ARK2N: variants seen among roughly 807,000 people sequenced by gnomAD.
ARK2N encodes the protein protein ARK2N.
chr18:46,219,866 T>A, the ARK2N span, among the ~76,000 whole-genome samples: 1 of 152,234 alleles, frequency 6.6e-6, no homozygotes, highest in Non-Finnish European at 1.5e-5. Flanking sequence ...GGTCAGTTTC[T>A]CTGTAAAAGC....
the ARK2N span, chr18:46,253,970 A>T: frequency 1.0e-6 from 1 of 963,198 alleles, no homozygotes; most frequent in Non-Finnish European, 1.5e-6. Context: ...TTTAAGAAAC[A>T]CTTTTTGTTT....
chr18:46,199,049 A>G, the ARK2N span, among the ~76,000 whole-genome samples: 1 of 152,198 alleles, frequency 6.6e-6, no homozygotes, highest in East Asian at 1.9e-4. Context: ...GGAAATATGG[A>G]ACCCATAGAA....
the ARK2N span, among the ~76,000 whole-genome samples, chr18:46,252,792 C>T: frequency 1.8e-4 from 27 of 152,122 alleles, no homozygotes; most frequent in East Asian, 3.5e-3. Context: ...GTACATAGGC[C>T]GAATTATTTT....
At chr18:46,240,853 T>C in the ARK2N span, among the ~76,000 whole-genome samples, 2 of 152,192 alleles carry the variant, frequency 1.3e-5, no homozygotes, top group Non-Finnish European at 2.9e-5. Context: ...CAAGTCTTCT[T>C]CAATATTTTC....
the ARK2N span, among the ~76,000 whole-genome samples, chr18:46,204,929 C>CTTTTTTTTTATT: frequency 1.4e-5 from 2 of 145,616 alleles, no homozygotes; most frequent in African/African-American, 2.6e-5. Flanking sequence ...TTTCTTTTTT[C>CTTTTTTTTTATT]TTTTTTTTTT....
At chr18:46,264,112 G>A in the ARK2N span, 8 of 152,416 alleles carry the variant, frequency 5.2e-5, no homozygotes, top group Non-Finnish European at 7.4e-5. Context: ...TGCTGTATTT[G>A]GGTATTTTTC....
At chr18:46,243,993 C>T in the ARK2N span, among the ~76,000 whole-genome samples, 1 of 152,292 alleles carries the variant, frequency 6.6e-6, no homozygotes, top group African/African-American at 2.4e-5. Flanking sequence ...CAACGAGTTG[C>T]TCTTGCTACA....
At chr18:46,261,200 CTTG>C in the ARK2N span, among the ~76,000 whole-genome samples, 1 of 152,106 alleles carries the variant, frequency 6.6e-6, no homozygotes, top group Admixed American at 6.6e-5. Flanking sequence ...TCTGATGATT[CTTG>C]TTGTGTTTTG....
chr18:46,229,989 C>T, the ARK2N span, among the ~76,000 whole-genome samples: 1,745 of 152,228 alleles, frequency 0.011, 61 homozygotes, highest in East Asian at 0.12. Context: ...TGCAATGGCA[C>T]GATCTTGGCT....
At chr18:46,265,828 A>G in the ARK2N span, 1 of 152,662 alleles carries the variant, frequency 6.6e-6, no homozygotes, top group Non-Finnish European at 1.5e-5. Flanking sequence ...TAGCATAAGT[A>G]GTTCTTTATG....
At chr18:46,261,424 A>AT in the ARK2N span, among the ~76,000 whole-genome samples, 1 of 152,200 alleles carries the variant, frequency 6.6e-6, no homozygotes, top group African/African-American at 2.4e-5. Context: ...GAATTGTCCA[A>AT]TGAGATAATA....
chr18:46,262,655 C>T, the ARK2N span, among the ~76,000 whole-genome samples: 20 of 151,488 alleles, frequency 1.3e-4, 3 homozygotes, highest in Admixed American at 1.2e-3. Context: ...AACATCCTGT[C>T]ACCCATGGTC....
the ARK2N span, among the ~76,000 whole-genome samples, chr18:46,239,312 G>C: frequency 6.6e-6 from 1 of 152,120 alleles, no homozygotes; most frequent in Non-Finnish European, 1.5e-5. Context: ...ATATTGTTTA[G>C]TTGGAGTATG....
chr18:46,205,271 G>A, the ARK2N span, among the ~76,000 whole-genome samples: 1 of 152,278 alleles, frequency 6.6e-6, no homozygotes, highest in East Asian at 1.9e-4. Context: ...GTTAATGATG[G>A]TTGTTCACAG....
At chr18:46,221,604 AC>A in the ARK2N span, among the ~76,000 whole-genome samples, 2 of 150,612 alleles carry the variant, frequency 1.3e-5, no homozygotes, top group East Asian at 3.9e-4. Context: ...TTCTTTGATC[AC>A]TAGTGAAATT....
chr18:46,192,902 A>C, the ARK2N span, among the ~76,000 whole-genome samples: 1 of 150,756 alleles, frequency 6.6e-6, no homozygotes, highest in Non-Finnish European at 1.5e-5. Flanking sequence ...AAAAAAAAGA[A>C]TGTGGACTCT....
At chr18:46,210,321 T>A in the ARK2N span, among the ~76,000 whole-genome samples, 1 of 152,182 alleles carries the variant, frequency 6.6e-6, no homozygotes, top group South Asian at 2.1e-4. Flanking sequence ...AATGATGGGA[T>A]GCAGTGAGTA....
At chr18:46,243,754 A>G in the ARK2N span, among the ~76,000 whole-genome samples, 1 of 152,218 alleles carries the variant, frequency 6.6e-6, no homozygotes, top group Non-Finnish European at 1.5e-5. Flanking sequence ...GGTAAATTAT[A>G]TAAAGCCTCA....
chr18:46,218,594 A>G, the ARK2N span: 2 of 152,238 alleles, frequency 1.3e-5, no homozygotes, highest in Non-Finnish European at 2.9e-5. Context: ...TTAGAGTTCA[A>G]ATATTAGGAA....
Sources: gnomAD v4.1 joint callset for allele counts (sites outside exome capture counted in the v4.1 genomes callset) on GRCh38, gnomAD v4.1.1 for gene constraint, MANE v1.5 for transcripts, NCBI Gene and HGNC (gene_info 2026-07-23, HGNC 2026-07-21) for gene names.